Variants in SPECC1L observed in about 807,000 individuals in gnomAD.
SPECC1L encodes the protein sperm antigen with calponin homology and coiled-coil domains 1 like, also known as cytospin-A.
Under a neutral mutation model 116.8 loss-of-function variants are expected in SPECC1L, and 40 were observed. That is an observed-to-expected ratio of 0.34 (90% CI 0.27 to 0.45). SPECC1L has a LOEUF of 0.45. Among genes scored for constraint, SPECC1L ranks in the 20% least tolerant of loss-of-function variants. The pLI is 1.00. For missense variants in SPECC1L, 1,110 were observed against 1,373.6 expected (o/e 0.81, Z 3.03); for synonymous variants, 504 against 500.6 (o/e 1.01, Z -0.09).
intron 2 of SPECC1L, among the ~76,000 whole-genome samples, chr22:24,294,583 A>T (rs1442601787): frequency 6.6e-6 from 1 of 151,828 alleles, no homozygotes; most frequent in East Asian, 1.9e-4. Flanking sequence ...GGGTTTCACC[A>T]TGTTGGCTAG....
Position 24,400,637 on chromosome 22 carries a change from A to G in SPECC1L, c.3088-10951A>G, listed in dbSNP as rs549413514. 3.9e-3 allele frequency among the ~76,000 whole-genome samples: 598 copies of G among 152,374 alleles called. 3 individuals are homozygous for G. The highest frequency in any genetic ancestry group is 0.01 in the Middle Eastern group (3 of 294). Reference sequence around the variant, plus strand: ...AACTCTGTGTTTAACTTACTGAGGAACTGCCAAACTCTTCCTCAGCAGCGG... The same window carrying G: ...AACTCTGTGTTTAACTTACTGAGGAGCTGCCAAACTCTTCCTCAGCAGCGG... On this transcript the variant is annotated intron_variant, in intron 14 of 16. Coordinates refer to ENST00000314328, the MANE Select transcript of SPECC1L (RefSeq NM_015330.6).
intron 5 of SPECC1L, chr22:24,323,147 G>A (rs1165149342): frequency 1.1e-4 from 105 of 969,414 alleles, no homozygotes; most frequent in Admixed American, 1.2e-4. Flanking sequence ...TTTCCTGCCT[G>A]TGAGAGGATA....
intron 14 of SPECC1L, among the ~76,000 whole-genome samples, chr22:24,407,498 C>T (rs2042614418): frequency 1.3e-5 from 2 of 152,168 alleles, no homozygotes; most frequent in Admixed American, 6.5e-5. Flanking sequence ...GGCACGTCCA[C>T]GACCCTGCCA....
chr22:24,378,834 A>G (rs771990030), intron 14 of SPECC1L, among the ~76,000 whole-genome samples: 1 of 152,168 alleles, frequency 6.6e-6, no homozygotes, highest in Admixed American at 6.6e-5. Flanking sequence ...ATACATCACC[A>G]TAACAGTTAT....
intron 16 of SPECC1L, among the ~76,000 whole-genome samples, chr22:24,412,988 T>C (rs551123627): frequency 3.9e-5 from 6 of 152,342 alleles, no homozygotes; most frequent in Non-Finnish European, 8.8e-5. Flanking sequence ...CAACCTTCCC[T>C]GGGACGGCTC....
At chr22:24,363,391 G>T in intron 12 of SPECC1L, 47 bp downstream of exon 12, 4 of 1,507,740 alleles carry the variant, frequency 2.7e-6, no homozygotes, top group Non-Finnish European at 3.7e-6. Flanking sequence ...GTTTTTTAGA[G>T]ACAGGATCTC....
intron 2 of SPECC1L, among the ~76,000 whole-genome samples, chr22:24,289,460 A>C (rs1005999694): frequency 1.3e-5 from 2 of 152,132 alleles, no homozygotes; most frequent in Non-Finnish European, 2.9e-5. Flanking sequence ...GCATAAGATT[A>C]GGACTTTTAT....
At chr22:24,284,933 A>G (rs1601493738) in intron 2 of SPECC1L, among the ~76,000 whole-genome samples, 1 of 152,174 alleles carries the variant, frequency 6.6e-6, no homozygotes, top group South Asian at 2.1e-4. Context: ...AAAGGGAGAG[A>G]CACATAGTCA....
At chr22:24,350,569 A>C (rs939667521) in intron 11 of SPECC1L, among the ~76,000 whole-genome samples, 2 of 152,184 alleles carry the variant, frequency 1.3e-5, no homozygotes, top group Middle Eastern at 3.2e-3. Context: ...CCACAAGTCA[A>C]AGATTTTAGA....
chr22:24,336,524 A>AGTG (rs2041061524), intron 9 of SPECC1L, among the ~76,000 whole-genome samples: 3 of 152,020 alleles, frequency 2.0e-5, no homozygotes, highest in African/African-American at 4.8e-5. Flanking sequence ...TGCTATCACC[A>AGTG]CACCTGTTAA....
chr22:24,375,723 G>C (rs974008881), intron 14 of SPECC1L, among the ~76,000 whole-genome samples: 2 of 152,206 alleles, frequency 1.3e-5, no homozygotes, highest in African/African-American at 4.8e-5. Flanking sequence ...GGGAGGCCAA[G>C]GCGGGTGATC....
At chr22:24,400,868 C>G (rs1225132550) in intron 14 of SPECC1L, among the ~76,000 whole-genome samples, 1 of 152,170 alleles carries the variant, frequency 6.6e-6, no homozygotes, top group African/African-American at 2.4e-5. Flanking sequence ...GGGAAATGTT[C>G]TATTTACGTC....
chr22:24,318,491 G>T (rs915523121), intron 4 of SPECC1L, among the ~76,000 whole-genome samples: 1 of 152,208 alleles, frequency 6.6e-6, no homozygotes, highest in East Asian at 1.9e-4. Flanking sequence ...GCTTCGGCTC[G>T]GCATCAGAGG....
chr22:24,337,739 A>G (rs2041089419), intron 9 of SPECC1L, among the ~76,000 whole-genome samples: 1 of 152,196 alleles, frequency 6.6e-6, no homozygotes, highest in South Asian at 2.1e-4. Context: ...TTAATTCAGC[A>G]TCAAATGAAT....
chr22:24,322,007 G>T lies in SPECC1L; in HGVS notation c.1027G>T (p.Asp343Tyr). Residue 343 changes from aspartate (D) to tyrosine (Y), a missense_variant, in exon 5 of 17, where the codon GAC becomes TAC. Physicochemically the swap from Asp to Tyr is radical, Grantham distance 160. This residue lies in a region of SPECC1L where 437 missense variants were observed against 482.6 expected (regional missense o/e 0.91). Transcript: ENST00000314328. ...GGACCATCAGCACAGTAACTCCATGGACAATTTAGACAGTGAGTGCAGTGA... is the reference window on the plus strand; with the variant it reads ...GGACCATCAGCACAGTAACTCCATGTACAATTTAGACAGTGAGTGCAGTGA... ...LMDHQHSNSM[D>Y]NLDSECSEVY... The T allele has an allele frequency of 6.2e-7, 1 of 1,614,202 alleles. No homozygotes were observed. Among genetic ancestry groups the T allele is most frequent in the Non-Finnish European group, 8.5e-7 (1 of 1,180,040 alleles).
intron 10 of SPECC1L, chr22:24,343,495 C>A: frequency 2.2e-6 from 1 of 446,016 alleles, no homozygotes; most frequent in Non-Finnish European, 4.5e-6. Flanking sequence ...GAGTCTAGTT[C>A]TGTCGCCCAC....
intron 11 of SPECC1L, among the ~76,000 whole-genome samples, chr22:24,350,475 A>C (rs1261243544): frequency 6.6e-6 from 1 of 152,100 alleles, no homozygotes; most frequent in African/African-American, 2.4e-5. Flanking sequence ...TCCCATAGTA[A>C]ATCTTTGCTG....
chr22:24,294,674 G>T (rs5742310), intron 2 of SPECC1L, among the ~76,000 whole-genome samples: 19,583 of 151,226 alleles, frequency 0.13, 3,012 homozygotes, highest in African/African-American at 0.37. Context: ...TGAGCCACTG[G>T]GGCCGGCCTG....
intron 2 of SPECC1L, among the ~76,000 whole-genome samples, chr22:24,296,639 C>T (rs1300034890): frequency 6.6e-6 from 1 of 152,260 alleles, no homozygotes; most frequent in African/African-American, 2.4e-5. Flanking sequence ...GAACTGTGCT[C>T]CTTCGCTCCT....
Sources: gnomAD v4.1 joint callset for allele counts (sites outside exome capture counted in the v4.1 genomes callset) on GRCh38, gnomAD v4.1.1 for gene constraint, gnomAD v4.1.1 regional missense constraint, MANE v1.5 for transcripts, NCBI Gene and HGNC (gene_info 2026-07-23, HGNC 2026-07-21) for gene names.